The following ADCY4 variants were observed in gnomAD, a reference collection of about 807,000 sequenced individuals.
ADCY4 encodes adenylate cyclase 4.
A neutral mutation model predicts 125.5 loss-of-function variants in ADCY4; 111 were observed. The observed-to-expected ratio is 0.88, with a 90% CI of 0.76 to 1.04. The LOEUF is 1.04. ADCY4 is among the 50% of genes least tolerant of loss of function. The probability of loss-of-function intolerance (pLI) is 0.00; values close to 1 mark genes in which losing one functional copy is unlikely to be tolerated. For missense variants in ADCY4, 1,256 were observed against 1,382.9 expected (o/e 0.91, Z 1.46); for synonymous variants, 576 against 586.9 (o/e 0.98, Z 0.27).
chr14:24,323,600 C>G, intron 16 of ADCY4, 146 bp from the exon 17 acceptor site: 3 of 1,457,264 alleles, frequency 2.1e-6, no homozygotes, highest in South Asian at 1.4e-5. Flanking sequence ...GGAAGGGAAC[C>G]TCAGCACTGG....
At chr14:24,325,501 G>A in intron 13 of ADCY4, 27 bp from the exon 14 acceptor site, 1 of 1,589,712 alleles carries the variant, frequency 6.3e-7, no homozygotes. Context: ...CAGAGGTGGA[G>A]ACAGGGTCCA....
intron 20 of ADCY4, 155 bp from the exon 21 acceptor site, chr14:24,320,043 G>T: frequency 1.2e-6 from 1 of 857,538 alleles, no homozygotes; most frequent in Non-Finnish European, 1.7e-6. Context: ...GGCTACCCCA[G>T]GGAAGTGACT....
chr14:24,323,165 C>T, intron 17 of ADCY4, 77 bp from the exon 18 acceptor site: 3 of 1,518,666 alleles, frequency 2.0e-6, no homozygotes, highest in South Asian at 1.2e-5. Flanking sequence ...CCCTTCCTGT[C>T]CCTCCCAGGC....
intron 10 of ADCY4, among the ~76,000 whole-genome samples, chr14:24,328,322 C>T (rs1160846163): frequency 6.6e-6 from 1 of 152,146 alleles, no homozygotes; most frequent in Non-Finnish European, 1.5e-5. Context: ...TCAGGCTCAC[C>T]CACAGTTATC....
At chr14:24,321,222 C>T (rs12879950) in intron 20 of ADCY4, among the ~76,000 whole-genome samples, 1,747 of 149,736 alleles carry the variant, frequency 0.012, 24 homozygotes, top group Non-Finnish European at 0.019. Flanking sequence ...ATCAGCCTGA[C>T]CAACATGGTG....
In ADCY4 at chr14:24,319,405, T is replaced by A. The variant is rs763585938; in HGVS notation, c.2765A>T (p.Glu922Val). The A allele has an allele frequency of 1.9e-6, 3 of 1,614,086 alleles. No individual in the cohort carries two copies. Among genetic ancestry groups the A allele is most frequent in the Non-Finnish European group, 2.5e-6 (3 of 1,180,036 alleles). ...GGTGCTGCCGATGGTCTTGATCTTCTCCACCCCACTGAACTTGGGCTTGGA... is the reference window on the plus strand; with the variant it reads ...GGTGCTGCCGATGGTCTTGATCTTCACCACCCCACTGAACTTGGGCTTGGA... The part of the protein sequence containing the change: ...LLSKPKFSGV[E>V]KIKTIGSTYM... Residue 922 changes from glutamate to valine, a missense_variant, in exon 22 of 25, where the codon GAG (glutamate) becomes GTG (valine). Physicochemically the swap from Glu to Val is moderately radical, Grantham distance 121 (BLOSUM62 -2). Coordinates refer to ENST00000418030, the MANE Select transcript of ADCY4 (RefSeq NM_001198568.2). This position sits in a 1 kb window ranked among gnomAD's most constrained non-coding sequence, Gnocchi z 4.5.
intron 20 of ADCY4, 184 bp downstream of exon 20, chr14:24,321,882 A>G (rs2041857026): frequency 1.5e-6 from 2 of 1,341,330 alleles, no homozygotes; most frequent in African/African-American, 2.9e-5. Flanking sequence ...AGAATTTGAA[A>G]TGCAGTTTTG....
At position 24,332,882 on chromosome 14, in the gene ADCY4, G is replaced by A; in HGVS notation, c.266C>T (p.Thr89Met). The change falls in exon 2 of 25, where the codon ACG becomes ATG. Residue 89 changes from threonine (T) to methionine (M), a missense_variant. Transcript: ENST00000418030. ...ASREQRLQRW[T>M]RPLSGLVWVA... is the part of the protein sequence containing the mutation. ...CCATACCAAGCCGGACAGGGGACGC[G>A]TCCAGCGCTGCAGTCGCTGCTCCCG... 6.2e-7 allele frequency: 1 copy of A among 1,605,892 alleles called. No homozygotes were observed. The highest frequency in any genetic ancestry group is 2.2e-5 in the East Asian group (1 of 44,718).
At chr14:24,318,613 T>G (rs2041804982) in intron 24 of ADCY4, 41 bp downstream of exon 24, 1 of 1,613,950 alleles carries the variant, frequency 6.2e-7, no homozygotes. Flanking sequence ...GGCCCTATTC[T>G]TAGTCCCCCT....
At chr14:24,320,016 G>T in intron 20 of ADCY4, 128 bp from the exon 21 acceptor site, 2 of 1,196,008 alleles carry the variant, frequency 1.7e-6, no homozygotes, top group African/African-American at 1.5e-5. Context: ...TGGGAAGGAG[G>T]GAGAGGAGTA....
chr14:24,329,514 C>G lies in ADCY4; in HGVS notation c.1237G>C (p.Ala413Pro), dbSNP rs768630317. ...GVPGRVHITGATLALLAGAYA... is the reference protein window; with the variant it reads ...GVPGRVHITGPTLALLAGAYA... ...GCCCCTGCCAGCAGGGCCAGGGTAG[C>G]CCCTGTGATGTGCACTCGCCTGGAA... The change falls in exon 9 of 25, where the codon GCT (alanine) becomes CCT (proline). Residue 413 changes from alanine to proline, a missense_variant. Coordinates refer to ENST00000418030, the MANE Select transcript of ADCY4 (RefSeq NM_001198568.2). The G allele has an allele frequency of 7.8e-6, 12 of 1,544,110 alleles. No individual in the cohort carries two copies. Among genetic ancestry groups the G allele is most frequent in the Non-Finnish European group, 9.6e-6 (11 of 1,148,782 alleles).
At chr14:24,326,861 T>C (rs1160342609) in intron 10 of ADCY4, among the ~76,000 whole-genome samples, 1 of 150,228 alleles carries the variant, frequency 6.7e-6, no homozygotes, top group Non-Finnish European at 1.5e-5. Flanking sequence ...CTCAAAGTGC[T>C]GGGATTATAG....
intron 8 of ADCY4, 122 bp from the exon 9 acceptor site, chr14:24,329,655 G>A: frequency 7.0e-7 from 1 of 1,431,666 alleles, no homozygotes. Context: ...GATCGTTCCT[G>A]GATGTCTGAC....
chr14:24,326,571 TTGTGTGTGTGTG>T (rs71119070), intron 10 of ADCY4: 514 of 278,230 alleles, frequency 1.8e-3, no homozygotes, highest in South Asian at 5.2e-3. Flanking sequence ...CCCAGGATCT[TTGTGTGTGTGTG>T]TGTGTGTGTG....
At chr14:24,325,290 T>G in intron 14 of ADCY4, 87 bp downstream of exon 14, 2 of 1,109,532 alleles carry the variant, frequency 1.8e-6, no homozygotes, top group Non-Finnish European at 2.7e-6. Context: ...GGGGAAGGGG[T>G]GAAGGAAGAA....
rs376727106 is a variant in ADCY4 at position 24,333,018 on chromosome 14, G to A, written c.160-30C>T. The stretch of plus-strand genomic sequence containing the variant: ...GGGCAGGGGTGTGTGAGGCAAGATT[G>A]TGACAGGGAGAAGGAACGAACCTGA... On this transcript the variant is annotated intron_variant, in intron 1 of 24. Transcript: ENST00000418030. 1.4e-5 allele frequency: 21 copies of A among 1,497,512 alleles called. No individual in the cohort carries two copies. The African/African-American group carries it at 2.3e-4, about 16-fold the overall frequency. The allele number at this position is 1,497,512 out of a possible 1,614,324, so 92.8% of individuals were successfully genotyped here. A position where few individuals can be genotyped will look rare whatever the true frequency, so the allele number is the denominator to read the frequency against.
intron 17 of ADCY4, 26 bp downstream of exon 17, chr14:24,323,318 G>A: frequency 6.5e-7 from 1 of 1,532,664 alleles, no homozygotes; most frequent in Non-Finnish European, 8.9e-7. Flanking sequence ...TGCAGAAGGA[G>A]ATTAAGGGCA....
At chr14:24,326,609 G>C in intron 10 of ADCY4, 1 of 416,342 alleles carries the variant, frequency 2.4e-6, no homozygotes, top group African/African-American at 2.0e-5. Flanking sequence ...GTGTGTGTGT[G>C]TGTGTGACTG....
At chr14:24,330,118 G>A (rs763325662) in intron 7 of ADCY4, 50 bp downstream of exon 7, 1 of 1,601,254 alleles carries the variant, frequency 6.2e-7, no homozygotes, top group Admixed American at 1.7e-5. Flanking sequence ...GCTGCCTGCT[G>A]CCCCCCACAT....
Sources: allele counts gnomAD v4.1 joint callset (sites outside exome capture counted in the v4.1 genomes callset), GRCh38; gene constraint gnomAD v4.1.1; non-coding constraint Gnocchi (gnomAD v3.1); transcripts MANE v1.5; gene names NCBI Gene and HGNC (gene_info 2026-07-23, HGNC 2026-07-21).